The following PCDHA2 variants were observed in gnomAD, a reference collection of about 807,000 sequenced individuals.
PCDHA2 encodes the protein protocadherin alpha-2.
Under a neutral mutation model 66.0 loss-of-function variants are expected in PCDHA2, and 58 were observed. The observed-to-expected ratio is 0.88, with a 90% CI of 0.71 to 1.09. The LOEUF (loss-of-function observed/expected upper bound fraction) is 1.09, where lower values mean the gene tolerates loss of function less well. Among genes scored for constraint, PCDHA2 ranks in the 50% least tolerant of loss-of-function variants. The pLI, the probability that PCDHA2 is intolerant of heterozygous loss-of-function variation, is 0.00. For synonymous variants in PCDHA2, 634 were observed against 554.0 expected (o/e 1.14, Z -2.03); for missense variants, 1,267 against 1,242.3 (o/e 1.02, Z -0.30).
In PCDHA2 at chr5:140,822,327, T is replaced by G. The variant is rs1006404493; in HGVS notation, c.2388+24975T>G. 24 of 1,613,994 alleles carry G rather than the reference T, an allele frequency of 1.5e-5. 1 individual carries two copies. In the East Asian group the frequency reaches 4.0e-4, roughly 27 times the overall value. On this transcript the variant is annotated intron_variant, in intron 1 of 3. Transcript: ENST00000526136. ...ATTTTGACTTAGATGTTAAAACAAA[T>G]GAAGAAGAAACGAACTTTTTAGAGC... is the stretch of plus-strand genomic sequence containing the variant.
chr5:140,833,155 A>G (rs2150206613), intron 1 of PCDHA2, among the ~76,000 whole-genome samples: 1 of 152,342 alleles, frequency 6.6e-6, no homozygotes, highest in South Asian at 2.1e-4. Flanking sequence ...CAATACGAAT[A>G]AAAAGTATTA....
chr5:140,977,665 A>G (rs1554238741), intron 1 of PCDHA2, among the ~76,000 whole-genome samples: 1 of 152,202 alleles, frequency 6.6e-6, no homozygotes, highest in Non-Finnish European at 1.5e-5. Flanking sequence ...AATTCTCTGC[A>G]TGCCAAATAT....
chr5:140,980,359 C>T (rs369647369), intron 2 of PCDHA2, among the ~76,000 whole-genome samples: 1 of 152,114 alleles, frequency 6.6e-6, no homozygotes. Context: ...GGACTGGGCG[C>T]GGTGGCTCAC....
intron 1 of PCDHA2, among the ~76,000 whole-genome samples, chr5:140,898,335 A>C (rs1232674937): frequency 2.6e-5 from 4 of 152,208 alleles, no homozygotes; most frequent in African/African-American, 9.6e-5. Context: ...CTAACGTTTA[A>C]GTCTTTAATC....
intron 1 of PCDHA2, among the ~76,000 whole-genome samples, chr5:140,936,813 T>C (rs1299896116): frequency 6.6e-6 from 1 of 152,216 alleles, no homozygotes; most frequent in Non-Finnish European, 1.5e-5. Flanking sequence ...TTAGCTATTT[T>C]TGGCCCTTTG....
chr5:140,795,796 G>A lies in PCDHA2; in HGVS notation c.832G>A (p.Val278Met). The change falls in exon 1 of 4, where the codon GTG becomes ATG. Residue 278 changes from valine to methionine, a missense_variant. Coordinates refer to ENST00000526136, the MANE Select transcript of PCDHA2 (RefSeq NM_018905.3). ...AGATGAAGGACCGAACAGCGAGATT[G>A]TGTATTCACTCGGTAGTGATGTGTC... ...DADEGPNSEI[V>M]YSLGSDVSST... The A allele has an allele frequency of 1.2e-6, 2 of 1,613,746 alleles. No individual in the cohort carries two copies. The highest frequency in any genetic ancestry group is 1.7e-6 in the Non-Finnish European group (2 of 1,179,808).
At chr5:140,809,616 C>G (rs1193307431) in intron 1 of PCDHA2, 1 of 1,514,914 alleles carries the variant, frequency 6.6e-7, no homozygotes, top group Admixed American at 2.2e-5. Context: ...TATTGTTTTT[C>G]TCTATCAACT....
At chr5:140,961,345 C>T (rs1440791542) in intron 1 of PCDHA2, among the ~76,000 whole-genome samples, 1 of 152,136 alleles carries the variant, frequency 6.6e-6, no homozygotes, top group Non-Finnish European at 1.5e-5. Context: ...AGAGTGGATC[C>T]CTGTAGTCCC....
chr5:140,967,210 C>A, intron 1 of PCDHA2: 1 of 1,613,674 alleles, frequency 6.2e-7, no homozygotes, highest in Non-Finnish European at 8.5e-7. Flanking sequence ...CACCGCGTTT[C>A]CCGCGGCCCA....
chr5:140,873,418 A>C (rs2054276774), intron 1 of PCDHA2, among the ~76,000 whole-genome samples: 1 of 152,174 alleles, frequency 6.6e-6, no homozygotes. Flanking sequence ...AATTTTGTAA[A>C]TTATTATTTT....
At chr5:140,922,289 G>C (rs1554200767) in intron 1 of PCDHA2, among the ~76,000 whole-genome samples, 1 of 152,222 alleles carries the variant, frequency 6.6e-6, no homozygotes, top group Non-Finnish European at 1.5e-5. Flanking sequence ...ATATGAAAAT[G>C]CTAGGAGAGG....
At chr5:140,829,946 C>A in intron 1 of PCDHA2, 1 of 1,613,986 alleles carries the variant, frequency 6.2e-7, no homozygotes, top group East Asian at 2.2e-5. Flanking sequence ...AAGCAGCGCT[C>A]GCTTCCCGTT....
intron 1 of PCDHA2, among the ~76,000 whole-genome samples, chr5:140,881,754 A>G (rs1554172477): frequency 6.6e-6 from 1 of 152,212 alleles, no homozygotes; most frequent in African/African-American, 2.4e-5. Context: ...CAGTACCACA[A>G]AAACCTACAT....
intron 1 of PCDHA2, chr5:140,884,203 C>G (rs554797854): frequency 6.2e-7 from 1 of 1,613,518 alleles, no homozygotes; most frequent in African/African-American, 1.3e-5. Context: ...CGCCGCACCA[C>G]CGCCTTCTGG....
At chr5:140,895,138 G>C (rs782496234) in intron 1 of PCDHA2, among the ~76,000 whole-genome samples, 14 of 151,944 alleles carry the variant, frequency 9.2e-5, no homozygotes, top group Non-Finnish European at 1.8e-4. Flanking sequence ...AAGTTCATAG[G>C]GCTAAGACAG....
At chr5:140,905,343 G>C (rs2071757275) in intron 1 of PCDHA2, among the ~76,000 whole-genome samples, 1 of 152,148 alleles carries the variant, frequency 6.6e-6, no homozygotes, top group Non-Finnish European at 1.5e-5. Context: ...TCAGTTGGCT[G>C]TAAGTATTTG....
At chr5:140,806,673 T>C (rs1554123662) in intron 1 of PCDHA2, among the ~76,000 whole-genome samples, 1 of 152,168 alleles carries the variant, frequency 6.6e-6, no homozygotes, top group East Asian at 1.9e-4. Context: ...AAAAAAACCC[T>C]GGAATTCTTG....
intron 1 of PCDHA2, among the ~76,000 whole-genome samples, chr5:140,913,644 A>T (rs889499847): frequency 3.9e-5 from 6 of 151,920 alleles, no homozygotes; most frequent in Non-Finnish European, 8.8e-5. Flanking sequence ...CTGCTTTTCT[A>T]GTTCTTTAAG....
At chr5:140,999,638 CTG>C (rs2097866913) in intron 3 of PCDHA2, among the ~76,000 whole-genome samples, 1 of 152,170 alleles carries the variant, frequency 6.6e-6, no homozygotes, top group Non-Finnish European at 1.5e-5. Flanking sequence ...GTAGAGAAAA[CTG>C]TGCAGCCTGA....
Sources: gnomAD v4.1 joint callset for allele counts (sites outside exome capture counted in the v4.1 genomes callset) on GRCh38, gnomAD v4.1.1 for gene constraint, MANE v1.5 for transcripts, NCBI Gene and HGNC (gene_info 2026-07-23, HGNC 2026-07-21) for gene names.